Variants in TMEM177 observed in about 807,000 individuals in gnomAD.
TMEM177 encodes the protein transmembrane protein 177.
Under a neutral mutation model 14.2 loss-of-function variants are expected in TMEM177, and 4 were observed. The observed-to-expected ratio is 0.28, with a 90% confidence interval of 0.14 to 0.64. TMEM177 has a LOEUF of 0.64. TMEM177 is among the 30% of genes least tolerant of loss of function. The probability of loss-of-function intolerance (pLI) is 0.82; values close to 1 mark genes in which losing one functional copy is unlikely to be tolerated. For synonymous variants in TMEM177, 179 were observed against 174.5 expected (o/e 1.03, Z -0.20); for missense variants, 344 against 405.2 (o/e 0.85, Z 1.30).
chr2:119,687,524 G>A (rs1053077112), downstream of TMEM177, among the ~76,000 whole-genome samples: 6 of 152,122 alleles, frequency 3.9e-5, no homozygotes, highest in Non-Finnish European at 8.8e-5. Flanking sequence ...CAGGGAAAAT[G>A]GAAGTAGAAA....
downstream of TMEM177, chr2:119,686,444 A>T (rs1349899633): frequency 1.3e-5 from 2 of 152,192 alleles, no homozygotes; most frequent in African/African-American, 2.4e-5. Flanking sequence ...CCCAGTGGCT[A>T]TCAGTTGGCA....
chr2:119,683,836 G>GCTCAGGCCAC (rs1313032016), downstream of TMEM177, among the ~76,000 whole-genome samples: 2 of 152,136 alleles, frequency 1.3e-5, no homozygotes, highest in Admixed American at 1.3e-4. Flanking sequence ...CCACAGCCCG[G>GCTCAGGCCAC]CTCAGGCCAC....
the TMEM177 span, among the ~76,000 whole-genome samples, chr2:119,720,047 C>T: frequency 1.3e-5 from 2 of 152,262 alleles, no homozygotes; most frequent in Admixed American, 6.5e-5. Flanking sequence ...CCTCCCACCA[C>T]AGCCTCCCAA....
the TMEM177 span, among the ~76,000 whole-genome samples, chr2:119,702,959 C>T: frequency 6.6e-6 from 1 of 152,240 alleles, no homozygotes; most frequent in Non-Finnish European, 1.5e-5. Context: ...GTGGCCAATT[C>T]CTGTGACCGG....
chr2:119,697,284 G>T, the TMEM177 span, among the ~76,000 whole-genome samples: 1,162 of 152,336 alleles, frequency 7.6e-3, 12 homozygotes, highest in African/African-American at 0.026. Flanking sequence ...TATTTGGTCA[G>T]GTGCTGTGGC....
the TMEM177 span, among the ~76,000 whole-genome samples, chr2:119,716,260 G>A: frequency 3.9e-5 from 6 of 152,274 alleles, no homozygotes; most frequent in African/African-American, 4.8e-5. Context: ...CGTGGCCTGC[G>A]AGTGCTCAGC....
the TMEM177 span, among the ~76,000 whole-genome samples, chr2:119,708,793 C>A: frequency 6.6e-6 from 1 of 152,150 alleles, no homozygotes; most frequent in South Asian, 2.1e-4. Context: ...GGCACACACC[C>A]TCTCCTCCCT....
At chr2:119,711,800 G>A in the TMEM177 span, among the ~76,000 whole-genome samples, 3 of 152,286 alleles carry the variant, frequency 2.0e-5, no homozygotes, top group Admixed American at 2.0e-4. Flanking sequence ...AGGAGTCCAG[G>A]CCTTTCCAGA....
chr2:119,686,000 G>A (rs1471295163), downstream of TMEM177: 1 of 367,524 alleles, frequency 2.7e-6, no homozygotes, highest in Admixed American at 4.4e-5. Flanking sequence ...GAACAGGACG[G>A]AAGGGCAGGG....
the TMEM177 span, among the ~76,000 whole-genome samples, chr2:119,703,048 C>T: frequency 6.6e-6 from 1 of 152,220 alleles, no homozygotes; most frequent in African/African-American, 2.4e-5. Flanking sequence ...TGGCCCAGGG[C>T]GTGGCCGGCT....
At chr2:119,701,799 G>C in the TMEM177 span, among the ~76,000 whole-genome samples, 1 of 152,208 alleles carries the variant, frequency 6.6e-6, no homozygotes, top group African/African-American at 2.4e-5. Flanking sequence ...TTGGCAGATA[G>C]GAAGGCTTGG....
the TMEM177 span, among the ~76,000 whole-genome samples, chr2:119,712,815 C>G: frequency 1.3e-5 from 2 of 152,204 alleles, no homozygotes; most frequent in Non-Finnish European, 2.9e-5. Context: ...GCTCCCACCA[C>G]TCCCATCCTT....
chr2:119,693,945 A>AC, the TMEM177 span, among the ~76,000 whole-genome samples: 26 of 92,448 alleles, frequency 2.8e-4, 2 homozygotes, highest in Non-Finnish European at 3.2e-4. Context: ...CACACAAGCC[A>AC]CACACACATG....
At chr2:119,706,020 T>TATATTATATATTATATA in the TMEM177 span, among the ~76,000 whole-genome samples, 1 of 13,440 alleles carries the variant, frequency 7.4e-5, no homozygotes, top group African/African-American at 1.5e-4. Context: ...ATTATATATA[T>TATATTATATATTATATA]TTATATATAT....
downstream of TMEM177, among the ~76,000 whole-genome samples, chr2:119,686,746 G>T (rs139454220): frequency 0.014 from 2,122 of 150,848 alleles, 22 homozygotes; most frequent in Non-Finnish European, 0.021. Context: ...TTTTTTCTTT[G>T]TTGTAGAGAT....
At chr2:119,706,785 C>G in the TMEM177 span, among the ~76,000 whole-genome samples, 1 of 152,204 alleles carries the variant, frequency 6.6e-6, no homozygotes, top group Admixed American at 6.5e-5. Context: ...CTTCTCCCAG[C>G]ATCTAACATT....
chr2:119,682,038 A>C lies in TMEM177; in HGVS notation c.*249A>C. The stretch of plus-strand genomic sequence containing the variant: ...GTGGAGATGATGTAAACCGCCTTGC[A>C]AGATTGTAGAGTTGGGTAAGGTCAT... On this transcript the variant is annotated 3_prime_UTR_variant, in exon 2 of 2. Transcript: ENST00000272521. 1 of 483,942 alleles carries C rather than the reference A, an allele frequency of 2.1e-6. No individual in the cohort carries two copies. Among genetic ancestry groups the C allele is most frequent in the South Asian group, 4.3e-5 (1 of 23,206 alleles). The allele number at this position is 483,942 out of a possible 1,614,324, so 30.0% of individuals were successfully genotyped here.
At chr2:119,710,607 CTT>C in the TMEM177 span, among the ~76,000 whole-genome samples, 3 of 144,286 alleles carry the variant, frequency 2.1e-5, no homozygotes, top group Non-Finnish European at 1.5e-5. Flanking sequence ...CACCTGCCAT[CTT>C]TTTTTTTTTT....
chr2:119,714,271 C>T, the TMEM177 span, among the ~76,000 whole-genome samples: 3 of 152,226 alleles, frequency 2.0e-5, no homozygotes, highest in South Asian at 2.1e-4. Flanking sequence ...GCCCCATGGC[C>T]GATCTGCTGT....
Sources: allele counts gnomAD v4.1 joint callset (sites outside exome capture counted in the v4.1 genomes callset), GRCh38; gene constraint gnomAD v4.1.1; transcripts MANE v1.5; gene names NCBI Gene and HGNC (gene_info 2026-07-23, HGNC 2026-07-21).